ENTPD1: variants seen among roughly 807,000 people sequenced by gnomAD.
ENTPD1 encodes ATP diphosphohydrolase.
A neutral mutation model predicts 57.0 loss-of-function variants in ENTPD1; 33 were observed. The ratio of observed to expected loss-of-function variants is 0.58; its 90% CI spans 0.44 to 0.77. ENTPD1 has a LOEUF of 0.77. ENTPD1 is among the 30% of genes least tolerant of loss of function. ENTPD1 has a pLI of 0.00. For missense variants in ENTPD1, 501 were observed against 603.4 expected, an observed-to-expected ratio of 0.83 and a Z score of 1.78; for synonymous variants, 202 against 218.8, an observed-to-expected ratio of 0.92 and a Z score of 0.68.
At chr10:95,863,221 A>C (rs1467161213) in intron 8 of ENTPD1, among the ~76,000 whole-genome samples, 1 of 152,220 alleles carries the variant, frequency 6.6e-6, no homozygotes, top group East Asian at 1.9e-4. Flanking sequence ...TAAAGAATTC[A>C]GGGAAATTAG....
chr10:95,809,311 C>T (rs995824145), intron 1 of ENTPD1, among the ~76,000 whole-genome samples: 6 of 150,786 alleles, frequency 4.0e-5, no homozygotes, highest in African/African-American at 1.5e-4. Flanking sequence ...GGCAGAGGCG[C>T]CCCCCACATC....
chr10:95,783,366 C>T (rs1015419837), intron 1 of ENTPD1, among the ~76,000 whole-genome samples: 11 of 152,138 alleles, frequency 7.2e-5, no homozygotes, highest in Non-Finnish European at 1.6e-4. Flanking sequence ...GCTTCAAGTA[C>T]TTTCAGCTTC....
upstream of ENTPD1, among the ~76,000 whole-genome samples, chr10:95,752,178 G>A (rs2098013063): frequency 6.6e-6 from 1 of 152,156 alleles, no homozygotes; most frequent in South Asian, 2.1e-4. Flanking sequence ...CAATCTTAGG[G>A]CAGTTTCATT....
At chr10:95,710,899 C>T (rs2097965051), upstream of ENTPD1, among the ~76,000 whole-genome samples, 1 of 152,056 alleles carries the variant, frequency 6.6e-6, no homozygotes, top group Admixed American at 6.6e-5. Flanking sequence ...CACAATATAG[C>T]CAAAAGATGA....
intron 1 of ENTPD1, among the ~76,000 whole-genome samples, chr10:95,775,974 T>C (rs959631323): frequency 6.6e-6 from 1 of 152,214 alleles, no homozygotes; most frequent in African/African-American, 2.4e-5. Context: ...CTACTTTTTT[T>C]TGCTTTCCAT....
At chr10:95,823,786 T>C (rs1231857651) in intron 2 of ENTPD1, among the ~76,000 whole-genome samples, 5 of 152,210 alleles carry the variant, frequency 3.3e-5, no homozygotes, top group Non-Finnish European at 7.3e-5. Context: ...TAACGTTTAT[T>C]ATACAACTCT....
At chr10:95,765,957 A>G (rs2140044954) in intron 1 of ENTPD1, among the ~76,000 whole-genome samples, 1 of 152,162 alleles carries the variant, frequency 6.6e-6, no homozygotes, top group Admixed American at 6.5e-5. Flanking sequence ...TATAAATATA[A>G]TTGTTTTAAA....
Position 95,868,378 on chromosome 10 carries a change from T to C in ENTPD1, c.*1995T>C, listed in dbSNP as rs890809182. 1 of 985,444 alleles carries C rather than the reference T, an allele frequency of 1.0e-6. No individual in the cohort carries two copies. The highest frequency in any genetic ancestry group is 1.2e-6 in the Non-Finnish European group (1 of 829,934). The allele number at this position is 985,444 out of a possible 1,614,324, so 61.0% of individuals were successfully genotyped here. A position where few individuals can be genotyped will look rare whatever the true frequency, so the allele number is the denominator to read the frequency against. ...TTCCTGATAGGCTTGTAATTTAATA[T>C]CATTCTGTTCATGTGCTTTGGATGG... On this transcript the variant is annotated 3_prime_UTR_variant, in exon 10 of 10. Coordinates refer to ENST00000371205, the MANE Select transcript of ENTPD1 (RefSeq NM_001776.6).
At chr10:95,845,625 C>T (rs2140863104) in intron 6 of ENTPD1, 29 bp downstream of exon 6, 2 of 1,614,190 alleles carry the variant, frequency 1.2e-6, no homozygotes, top group South Asian at 1.1e-5. Flanking sequence ...AGACCTGCCC[C>T]CTTCACATCT....
In ENTPD1 at chr10:95,870,502, C is replaced by A; in HGVS notation, c.*4119C>A. On this transcript the variant is annotated 3_prime_UTR_variant, in exon 10 of 10. Coordinates refer to ENST00000371205, the MANE Select transcript of ENTPD1 (RefSeq NM_001776.6). The stretch of plus-strand genomic sequence containing the variant: ...CTATGTTGTCCAGGCTGGTCTCGAA[C>A]TCCTGCCCTCAAGCAATCCTCCTGC... The A allele has an allele frequency of 1.1e-6, 1 of 926,084 alleles. No individual in the cohort carries two copies. Among genetic ancestry groups the A allele is most frequent in the Non-Finnish European group, 1.3e-6 (1 of 775,958 alleles). The allele number at this position is 926,084 out of a possible 1,614,324, so 57.4% of individuals were successfully genotyped here.
upstream of ENTPD1, among the ~76,000 whole-genome samples, chr10:95,711,525 A>G (rs568017987): frequency 7.6e-4 from 116 of 152,320 alleles, 1 homozygote; most frequent in African/African-American, 2.6e-3. Flanking sequence ...TTTTAGGGAC[A>G]GGGTCTCACA....
chr10:95,838,407 G>A (rs996688966), intron 2 of ENTPD1, among the ~76,000 whole-genome samples: 1 of 152,186 alleles, frequency 6.6e-6, no homozygotes, highest in Admixed American at 6.5e-5. Context: ...GAAATAACCC[G>A]AATGTCCATC....
chr10:95,871,443 C>A lies in ENTPD1; in HGVS notation c.*5060C>A, dbSNP rs1300645848. 3 of 985,302 alleles carry A rather than the reference C, an allele frequency of 3.0e-6. No homozygotes were observed. The African/African-American group carries it at 5.2e-5, about 17-fold the overall frequency. The allele number at this position is 985,302 out of a possible 1,614,324, so 61.0% of individuals were successfully genotyped here. A position where few individuals can be genotyped will look rare whatever the true frequency, so the allele number is the denominator to read the frequency against. On this transcript the variant is annotated 3_prime_UTR_variant, in exon 10 of 10. Coordinates refer to ENST00000371205, the MANE Select transcript of ENTPD1 (RefSeq NM_001776.6). ...CTAAACTGGTAGATGTCCTAGGAAACCATACATCTATGTATTTTTCTTATT... is the reference window on the plus strand; with the variant it reads ...CTAAACTGGTAGATGTCCTAGGAAAACATACATCTATGTATTTTTCTTATT...
chr10:95,836,008 G>A (rs2098408708), intron 2 of ENTPD1, among the ~76,000 whole-genome samples: 1 of 152,144 alleles, frequency 6.6e-6, no homozygotes, highest in South Asian at 2.1e-4. Context: ...TGTATATTGT[G>A]AGAGGTAGGG....
At position 95,873,004 on chromosome 10, in the gene ENTPD1, C is replaced by G. The variant is rs74153933; in HGVS notation, c.*6621C>G. On this transcript the variant is annotated 3_prime_UTR_variant, in exon 10 of 10. Coordinates refer to ENST00000371205, the MANE Select transcript of ENTPD1 (RefSeq NM_001776.6). Reference sequence around the variant, plus strand: ...ATGAACCTTAAAAGATCATGCATCTCAAAATTTAATGTACATACAAATTAC... The same window carrying G: ...ATGAACCTTAAAAGATCATGCATCTGAAAATTTAATGTACATACAAATTAC... 1.0e-6 allele frequency: 1 copy of G among 983,628 alleles called. No homozygotes were observed. Among genetic ancestry groups the G allele is most frequent in the East Asian group, 1.1e-4 (1 of 8,798 alleles). 60.9% of individuals were successfully genotyped at this position (983,628 alleles called of 1,614,324 possible).
At position 95,866,273 on chromosome 10, in the gene ENTPD1, T is replaced by C. The variant is rs1233112530; in HGVS notation, c.1423T>C (p.Ser475Pro). Residue 475 changes from serine (S) to proline (P), a missense_variant, in exon 10 of 10, where the codon TCC becomes CCC. Coordinates refer to ENST00000371205, the MANE Select transcript of ENTPD1 (RefSeq NM_001776.6). The part of the protein sequence containing the change: ...EQPLSTPLSH[S>P]TYVFLMVLFS... ...ACCATTGTCCACACCTCTCTCCCACTCCACCTATGTCTTCCTCATGGTTCT... is the reference window on the plus strand; with the variant it reads ...ACCATTGTCCACACCTCTCTCCCACCCCACCTATGTCTTCCTCATGGTTCT... 1.9e-6 allele frequency: 3 copies of C among 1,614,184 alleles called. No homozygotes were observed. Among genetic ancestry groups the C allele is most frequent in the Non-Finnish European group, 2.5e-6 (3 of 1,180,040 alleles).
At chr10:95,820,679 A>G (rs552335928) in intron 1 of ENTPD1, among the ~76,000 whole-genome samples, 1 of 152,184 alleles carries the variant, frequency 6.6e-6, no homozygotes, top group Non-Finnish European at 1.5e-5. Flanking sequence ...TTGACCCTCA[A>G]TCTGATACCT....
Position 95,866,687 on chromosome 10 carries a change from A to C in ENTPD1, c.*304A>C. Reference sequence around the variant, plus strand: ...TTTCATAATCTTTGCTTTATAAAAGAACAATATTGACTTTGTCTAGAAGAA... The same window carrying C: ...TTTCATAATCTTTGCTTTATAAAAGCACAATATTGACTTTGTCTAGAAGAA... On this transcript the variant is annotated 3_prime_UTR_variant, in exon 10 of 10. Transcript: ENST00000371205. 2 of 1,218,410 alleles carry C rather than the reference A, an allele frequency of 1.6e-6. No homozygotes were observed. The highest frequency in any genetic ancestry group is 2.1e-6 in the Non-Finnish European group (2 of 964,302). 75.5% of individuals were successfully genotyped at this position (1,218,410 alleles called of 1,614,324 possible).
intron 1 of ENTPD1, among the ~76,000 whole-genome samples, chr10:95,806,735 ACAGT>A (rs1390108611): frequency 1.3e-5 from 2 of 152,086 alleles, no homozygotes; most frequent in South Asian, 4.2e-4. Context: ...TTTCCTTCTA[ACAGT>A]CAGGCCCCTC....
Sources: gnomAD v4.1 joint callset for allele counts (sites outside exome capture counted in the v4.1 genomes callset) on GRCh38, gnomAD v4.1.1 for gene constraint, MANE v1.5 for transcripts, NCBI Gene and HGNC (gene_info 2026-07-23, HGNC 2026-07-21) for gene names.